Variants in ZNF783 observed in about 807,000 individuals in gnomAD.
ZNF783 encodes the protein protein ZNF783.
Under a neutral mutation model 31.3 loss-of-function variants are expected in ZNF783, and 25 were observed. That is an observed-to-expected ratio of 0.80 (90% CI 0.58 to 1.11). ZNF783 has a LOEUF of 1.11. Ranked by LOEUF, ZNF783 falls within the 50% of genes most tolerant of loss-of-function variation. ZNF783 has a pLI of 0.00. For synonymous variants in ZNF783, 369 were observed against 319.1 expected (o/e 1.16, Z -1.66); for missense variants, 797 against 760.0 (o/e 1.05, Z -0.57).
Position 149,266,564 on chromosome 7 carries a change from C to T in ZNF783, c.254C>T (p.Ala85Val). Residue 85 changes from alanine (A) to valine (V), a missense_variant, in exon 2 of 6, where the codon GCT becomes GTT. By Grantham distance (64) the Ala-to-Val change is moderately conservative (BLOSUM62 0). Coordinates refer to ENST00000434415, the MANE Select transcript of ZNF783 (RefSeq NM_001195220.2). ...EKKLADCEKT[A>V]VEFGNQLEGK... The stretch of plus-strand genomic sequence containing the variant: ...AAGCTGGCCGACTGCGAGAAGACAG[C>T]TGTGGAGTTCGGGAACCAGCTGGAG... The T allele has an allele frequency of 1.9e-6, 3 of 1,614,188 alleles. No homozygotes were observed. The highest frequency in any genetic ancestry group is 2.5e-6 in the Non-Finnish European group (3 of 1,180,050).
rs1294270168 is a variant in ZNF783 at position 149,281,564 on chromosome 7, C to T, written c.862C>T (p.Leu288Phe). 1 of 1,496,110 alleles carries T rather than the reference C, an allele frequency of 6.7e-7. No homozygotes were observed. The highest frequency in any genetic ancestry group is 8.8e-7 in the Non-Finnish European group (1 of 1,136,840). The allele number at this position is 1,496,110 out of a possible 1,614,324, so 92.7% of individuals were successfully genotyped here. Residue 288 changes from leucine (L) to phenylalanine (F), a missense_variant, in exon 6 of 6, where the codon CTC becomes TTC. Transcript: ENST00000434415. The part of the protein sequence containing the change: ...QSEDEMTPER[L>F]FLGVSRGQTE... ...TGAAGACGAGATGACGCCTGAGCGG[C>T]TCTTTCTGGGGGTGTCCCGAGGCCA...
intron 1 of ZNF783, 69 bp downstream of exon 1, chr7:149,262,426 C>G (rs1796947782): frequency 1.7e-6 from 2 of 1,174,658 alleles, no homozygotes; most frequent in East Asian, 3.7e-5. Context: ...GCGCGAGGGA[C>G]TCTGGCCGCG....
rs765442197 is a variant in ZNF783 at position 149,266,412 on chromosome 7, G to A, written c.102G>A (p.Ser34=). 6.7e-5 allele frequency: 107 copies of A among 1,601,398 alleles called. No homozygotes were observed. The highest frequency in any genetic ancestry group is 8.6e-5 in the Non-Finnish European group (101 of 1,179,784). ...PLPQPAAEKN[S]YLYSTEITLW... is the part of the protein sequence containing the mutation. ...CCCAGCCAGCTGCTGAGAAGAACTC[G>A]TACCTCTACTCCACGGAAATCACAC... Residue 34 remains serine (S), a synonymous_variant, in exon 2 of 6, where the codon TCG becomes TCA. Transcript: ENST00000434415.
intron 1 of ZNF783, 24 bp downstream of exon 1, chr7:149,262,381 C>T: frequency 1.6e-6 from 2 of 1,266,284 alleles, no homozygotes; most frequent in Non-Finnish European, 2.0e-6. Context: ...GCCCCGCGGA[C>T]GCCCGGAAGG....
Position 149,282,479 on chromosome 7 carries a change from CATT to C in ZNF783, c.*137_*139del. ...GGGAAGCTAGCTGCCCTTCTGGTGACATTGTGTGTGACCGGGTGCTTTCTGTTT... is the reference window on the plus strand; with the variant it reads ...GGGAAGCTAGCTGCCCTTCTGGTGACGTGTGTGACCGGGTGCTTTCTGTTT... On this transcript the variant is annotated 3_prime_UTR_variant, in exon 6 of 6. Transcript: ENST00000434415. 5 of 770,614 alleles carry C rather than the reference CATT, an allele frequency of 6.5e-6. No homozygotes were observed. The highest frequency in any genetic ancestry group is 1.0e-5 in the Non-Finnish European group (5 of 502,466). The allele number at this position is 770,614 out of a possible 1,614,324, so 47.7% of individuals were successfully genotyped here.
intron 1 of ZNF783, among the ~76,000 whole-genome samples, chr7:149,265,864 T>C (rs1797050149): frequency 6.6e-6 from 1 of 152,248 alleles, no homozygotes; most frequent in South Asian, 2.1e-4. Flanking sequence ...TGGAAGCTGT[T>C]GAAAACACCT....
rs1389383784 is a variant in ZNF783 at position 149,282,372 on chromosome 7, G to C, written c.*29G>C. On this transcript the variant is annotated 3_prime_UTR_variant, in exon 6 of 6. Transcript: ENST00000434415. ...GGCAGGAGCCCACAGAGGACCCCTG[G>C]CGGGGTCTCTCCCCTGTGCCTGACG... 6.9e-7 allele frequency: 1 copy of C among 1,443,470 alleles called. No homozygotes were observed. The highest frequency in any genetic ancestry group is 1.4e-5 in the African/African-American group (1 of 69,860). 89.4% of individuals were successfully genotyped at this position (1,443,470 alleles called of 1,614,324 possible).
intron 5 of ZNF783, among the ~76,000 whole-genome samples, chr7:149,280,824 G>T (rs146407209): frequency 1.3e-3 from 202 of 152,298 alleles, no homozygotes; most frequent in African/African-American, 4.7e-3. Context: ...ACATTGCTGT[G>T]ATCACCTGCC....
At position 149,266,531 on chromosome 7, in the gene ZNF783, C is replaced by T; in HGVS notation, c.221C>T (p.Ala74Val). The part of the protein sequence containing the change: ...LLTLEGRTGT[A>V]EKKLADCEKT... ...ACTCTGGAGGGGCGCACGGGGACAG[C>T]CGAGAAGAAGCTGGCCGACTGCGAG... Residue 74 changes from alanine to valine, a missense_variant, in exon 2 of 6, where the codon GCC becomes GTC. Ala to Val is a moderately conservative substitution (Grantham distance 64). Coordinates refer to ENST00000434415, the MANE Select transcript of ZNF783 (RefSeq NM_001195220.2). 1 of 1,613,976 alleles carries T rather than the reference C, an allele frequency of 6.2e-7. No homozygotes were observed. The highest frequency in any genetic ancestry group is 8.5e-7 in the Non-Finnish European group (1 of 1,179,912).
rs71194636 is a variant in ZNF783, at chr7:149,282,982, T to TG, written c.*639_*640insG. ...GTTTTTTTTTTGTTGTTGTTGTTGT[T>TG]TTTTTAAGATGGAGTTTCACTCTTG... On this transcript the variant is annotated 3_prime_UTR_variant, in exon 6 of 6. Transcript: ENST00000434415. 0.1 allele frequency: 14,344 copies of TG among 144,150 alleles called. 812 individuals are homozygous for TG. Among genetic ancestry groups the TG allele is most frequent in the African/African-American group, 0.12 (4,770 of 39,762 alleles). 8.9% of individuals were successfully genotyped at this position (144,150 alleles called of 1,614,324 possible).
intron 4 of ZNF783, among the ~76,000 whole-genome samples, chr7:149,267,582 G>A (rs1241161148): frequency 1.3e-5 from 2 of 152,154 alleles, no homozygotes; most frequent in Non-Finnish European, 2.9e-5. Context: ...CGGATCATGA[G>A]GTCAGGAGAT....
chr7:149,276,286 C>G (rs1016280316), intron 4 of ZNF783: 20 of 936,396 alleles, frequency 2.1e-5, no homozygotes, highest in African/African-American at 3.6e-5. Flanking sequence ...TCATCCTGCT[C>G]AGTCACCACC....
Position 149,282,364 on chromosome 7 carries a change from G to A in ZNF783, c.*21G>A, listed in dbSNP as rs1246465650. 4.1e-6 allele frequency: 6 copies of A among 1,457,848 alleles called. No individual in the cohort carries two copies. The South Asian group carries it at 7.0e-5, about 17-fold the overall frequency. 90.3% of individuals were successfully genotyped at this position (1,457,848 alleles called of 1,614,324 possible). A position where few individuals can be genotyped will look rare whatever the true frequency, so the allele number is the denominator to read the frequency against. On this transcript the variant is annotated 3_prime_UTR_variant, in exon 6 of 6. Transcript: ENST00000434415. ...GCTGACCTGGCAGGAGCCCACAGAG[G>A]ACCCCTGGCGGGGTCTCTCCCCTGT...
At chr7:149,272,561 GT>G (rs968239060) in intron 4 of ZNF783, among the ~76,000 whole-genome samples, 16 of 149,200 alleles carry the variant, frequency 1.1e-4, no homozygotes, top group Admixed American at 6.0e-4. Flanking sequence ...GTGTGGATGA[GT>G]TTTTTTTTTC....
In ZNF783 at chr7:149,282,233, G is replaced by C. The variant is rs759067027; in HGVS notation, c.1531G>C (p.Val511Leu). 2 of 1,598,148 alleles carry C rather than the reference G, an allele frequency of 1.3e-6. No homozygotes were observed. The highest frequency in any genetic ancestry group is 1.3e-5 in the African/African-American group (1 of 75,006). ...CTTCAACCGCAACCACCACCTGGCC[G>C]TGCACATGCAGACCCACGCCCGAGG... The part of the protein sequence containing the change: ...RTFNRNHHLA[V>L]HMQTHARGQV... Residue 511 changes from valine (V) to leucine (L), a missense_variant, in exon 6 of 6, where the codon GTG (valine) becomes CTG (leucine). Transcript: ENST00000434415.
intron 5 of ZNF783, among the ~76,000 whole-genome samples, chr7:149,278,921 C>T (rs527775330): frequency 1.3e-5 from 2 of 152,296 alleles, no homozygotes; most frequent in South Asian, 2.1e-4. Flanking sequence ...TCTCAGTAAA[C>T]GCCCTCTTTC....
chr7:149,278,595 G>T (rs1195240517), intron 5 of ZNF783, 68 bp downstream of exon 5: 3 of 1,588,290 alleles, frequency 1.9e-6, no homozygotes, highest in African/African-American at 2.7e-5. Context: ...CCAAGCGATG[G>T]TGCTGAGGAA....
At chr7:149,262,793 T>C (rs1585603959) in intron 1 of ZNF783, among the ~76,000 whole-genome samples, 1 of 152,274 alleles carries the variant, frequency 6.6e-6, no homozygotes, top group Non-Finnish European at 1.5e-5. Flanking sequence ...GGCGGGAGCC[T>C]CACGCCGGGG....
chr7:149,278,655 C>T (rs1360796582), intron 5 of ZNF783, 128 bp downstream of exon 5: 1 of 1,450,528 alleles, frequency 6.9e-7, no homozygotes, highest in East Asian at 2.4e-5. Flanking sequence ...ACTGGTTGGG[C>T]TGGGCCGGAC....
Sources: allele counts gnomAD v4.1 joint callset (sites outside exome capture counted in the v4.1 genomes callset), GRCh38; gene constraint gnomAD v4.1.1; transcripts MANE v1.5; gene names NCBI Gene and HGNC (gene_info 2026-07-23, HGNC 2026-07-21).